Variants in TTC7B observed in about 807,000 individuals in gnomAD.
The protein encoded by TTC7B is tetratricopeptide repeat domain 7B.
In TTC7B, 28 loss-of-function variants were observed where a neutral mutation model predicts 106.8. That is an observed-to-expected ratio of 0.26 (90% CI 0.19 to 0.36). The LOEUF is 0.36. Among genes scored for constraint, TTC7B ranks in the 10% least tolerant of loss-of-function variants. The probability of loss-of-function intolerance (pLI) is 1.00; values close to 1 mark genes in which losing one functional copy is unlikely to be tolerated. For missense variants in TTC7B, 862 were observed against 1,076.4 expected (o/e 0.80, Z 2.79); for synonymous variants, 405 against 430.6 (o/e 0.94, Z 0.74).
rs1892512700 is a variant in TTC7B, at chr14:90,603,413, G to A, written c.1966+7329C>T. 10 of 620,582 alleles carry A rather than the reference G, an allele frequency of 1.6e-5. No individual in the cohort carries two copies. The South Asian group carries it at 1.7e-4, about 11-fold the overall frequency. The allele number at this position is 620,582 out of a possible 1,614,324, so 38.4% of individuals were successfully genotyped here. A position where few individuals can be genotyped will look rare whatever the true frequency, so the allele number is the denominator to read the frequency against. On this transcript the variant is annotated intron_variant, in intron 17 of 19. Coordinates refer to ENST00000328459, the MANE Select transcript of TTC7B (RefSeq NM_001010854.2). ...AGTTCTAATAACCTTCCAACTGTAA[G>A]TCTGGCTGTCTAGAATCATATTTCC... is the stretch of plus-strand genomic sequence containing the variant.
chr14:90,608,989 C>T lies in TTC7B; in HGVS notation c.1966+1753G>A, dbSNP rs1247430072. On this transcript the variant is annotated intron_variant, in intron 17 of 19. Transcript: ENST00000328459. This position sits in a 1 kb window ranked among gnomAD's most constrained non-coding sequence, Gnocchi z 5.1. ...AGCTGTTTTGAATCAGCTGAAATTG[C>T]TGCTGGTGCTATAGTGAGTTTCACT... is the stretch of plus-strand genomic sequence containing the variant. Among the ~76,000 whole-genome samples the T allele has an allele frequency of 6.6e-6, 1 of 152,178 alleles. No homozygotes were observed. The highest frequency in any genetic ancestry group is 2.1e-4 in the South Asian group (1 of 4,822).
At chr14:90,792,699 T>C (rs565750618) in intron 1 of TTC7B, among the ~76,000 whole-genome samples, 4 of 152,234 alleles carry the variant, frequency 2.6e-5, no homozygotes, top group Admixed American at 2.6e-4. Context: ...CCCCAGTCTC[T>C]CAAGACCATT....
chr14:90,602,570 G>A (rs377582685), intron 17 of TTC7B, among the ~76,000 whole-genome samples: 82 of 152,112 alleles, frequency 5.4e-4, no homozygotes, highest in Admixed American at 8.5e-4. Flanking sequence ...GTATGATGGC[G>A]TGTGCATGGT....
At chr14:90,573,393 G>A (rs1298858085) in intron 19 of TTC7B, among the ~76,000 whole-genome samples, 5 of 148,886 alleles carry the variant, frequency 3.4e-5, no homozygotes, top group African/African-American at 5.0e-5. Flanking sequence ...GTCCCTCTCC[G>A]GCTCACAGGC....
intron 19 of TTC7B, among the ~76,000 whole-genome samples, chr14:90,568,357 G>A (rs371096446): frequency 2.6e-5 from 4 of 152,292 alleles, no homozygotes; most frequent in South Asian, 2.1e-4. Flanking sequence ...AAATAACGGG[G>A]CAGAATTTCC....
intron 1 of TTC7B, among the ~76,000 whole-genome samples, chr14:90,811,279 C>G (rs1253266299): frequency 6.6e-6 from 1 of 152,210 alleles, no homozygotes; most frequent in Non-Finnish European, 1.5e-5. Context: ...AATAGTGGGT[C>G]ACCAGAGATC....
rs1000917749 is a variant in TTC7B at position 90,549,001 on chromosome 14, G to A, written c.2311-7412C>T. Among the ~76,000 whole-genome samples the A allele has an allele frequency of 1.8e-4, 28 of 152,076 alleles. 1 individual carries two copies. The East Asian group carries it at 2.1e-3, about 12-fold the overall frequency. On this transcript the variant is annotated intron_variant, in intron 19 of 19. Coordinates refer to ENST00000328459, the MANE Select transcript of TTC7B (RefSeq NM_001010854.2). ...AAATTAGCTGGGCGTGGTGGCGGGC[G>A]CCTGTAGTCCCAGCTACTTGGCAGG...
chr14:90,633,635 T>C (rs922110178), intron 15 of TTC7B, among the ~76,000 whole-genome samples: 2 of 152,202 alleles, frequency 1.3e-5, no homozygotes, highest in Non-Finnish European at 2.9e-5. Flanking sequence ...CAACAGTGCC[T>C]CATTGCCATT....
chr14:90,755,197 A>G (rs1298799421), intron 3 of TTC7B, among the ~76,000 whole-genome samples: 1 of 152,246 alleles, frequency 6.6e-6, no homozygotes, highest in African/African-American at 2.4e-5. Context: ...GTGTGGGCAC[A>G]CATTTCCACT....
chr14:90,789,032 A>G (rs1891487989), intron 1 of TTC7B, among the ~76,000 whole-genome samples: 1 of 152,202 alleles, frequency 6.6e-6, no homozygotes, highest in African/African-American at 2.4e-5. Context: ...ACTTATTAAT[A>G]CTATAATAAT....
rs1889388552 is a variant in TTC7B at position 90,535,194 on chromosome 14, G to A, written c.*6174C>T. On this transcript the variant is annotated 3_prime_UTR_variant, in exon 20 of 20. Transcript: ENST00000328459. ...AGAGAGACAGACAGACGAGCCCATGGATCCCAAATGGGGCTGGGGATGGGA... is the reference window on the plus strand; with the variant it reads ...AGAGAGACAGACAGACGAGCCCATGAATCCCAAATGGGGCTGGGGATGGGA... 6.6e-6 allele frequency: 1 copy of A among 152,628 alleles called. No individual in the cohort carries two copies. The highest frequency in any genetic ancestry group is 1.5e-5 in the Non-Finnish European group (1 of 68,400). 9.5% of individuals were successfully genotyped at this position (152,628 alleles called of 1,614,324 possible).
intron 10 of TTC7B, chr14:90,658,009 T>C: frequency 2.5e-6 from 1 of 395,938 alleles, no homozygotes; most frequent in Non-Finnish European, 4.7e-6. Context: ...CTCAGATGAG[T>C]GGAGGTGTCT....
chr14:90,584,081 G>A (rs539935528), intron 18 of TTC7B, among the ~76,000 whole-genome samples: 46 of 152,236 alleles, frequency 3.0e-4, no homozygotes, highest in African/African-American at 8.9e-4. Context: ...ACAGTGAGCC[G>A]CAAGTGTGCC....
At chr14:90,756,519 G>A (rs1482035904) in intron 3 of TTC7B, among the ~76,000 whole-genome samples, 2 of 151,350 alleles carry the variant, frequency 1.3e-5, no homozygotes, top group African/African-American at 2.4e-5. Flanking sequence ...TCAGCCTCCC[G>A]AGTAGCTGGG....
intron 19 of TTC7B, among the ~76,000 whole-genome samples, chr14:90,548,519 C>T (rs1889932144): frequency 6.6e-6 from 1 of 152,234 alleles, no homozygotes; most frequent in African/African-American, 2.4e-5. Context: ...CTGCAAAGTG[C>T]TTTTGACACC....
intron 4 of TTC7B, among the ~76,000 whole-genome samples, chr14:90,740,494 CTTTTT>C (rs71461924): frequency 2.6e-5 from 2 of 78,314 alleles, no homozygotes; most frequent in African/African-American, 4.9e-5. Flanking sequence ...AATTCTTTGA[CTTTTT>C]TTTTTTTTTT....
chr14:90,762,445 A>C (rs1375793905), intron 3 of TTC7B, among the ~76,000 whole-genome samples: 1 of 152,256 alleles, frequency 6.6e-6, no homozygotes, highest in Non-Finnish European at 1.5e-5. Flanking sequence ...CCTTCGCTAG[A>C]ATCTTTAATT....
chr14:90,598,438 G>C (rs1029831689), intron 17 of TTC7B, among the ~76,000 whole-genome samples: 6 of 152,126 alleles, frequency 3.9e-5, no homozygotes, highest in Non-Finnish European at 8.8e-5. Context: ...TTCCTTCTAG[G>C]CTCCTCTCTC....
At chr14:90,641,791 C>A (rs968400272) in intron 15 of TTC7B, among the ~76,000 whole-genome samples, 2 of 152,148 alleles carry the variant, frequency 1.3e-5, no homozygotes, top group Non-Finnish European at 2.9e-5. Flanking sequence ...GAGGCATTAC[C>A]ATATTAGCCA....
Sources: allele counts gnomAD v4.1 joint callset (sites outside exome capture counted in the v4.1 genomes callset), GRCh38; gene constraint gnomAD v4.1.1; non-coding constraint Gnocchi (gnomAD v3.1); transcripts MANE v1.5; gene names NCBI Gene and HGNC (gene_info 2026-07-23, HGNC 2026-07-21).